COG3: variants seen among roughly 807,000 people sequenced by gnomAD.
The protein encoded by COG3 is conserved oligomeric Golgi complex subunit 3.
Under a neutral mutation model 114.1 loss-of-function variants are expected in COG3, and 32 were observed. The observed-to-expected ratio is 0.28, with a 90% confidence interval of 0.21 to 0.38. The LOEUF is 0.38. Among genes scored for constraint, COG3 ranks in the 10% least tolerant of loss-of-function variants. COG3 has a pLI of 1.00. For synonymous variants in COG3, 352 were observed against 365.7 expected (o/e 0.96, Z 0.43); for missense variants, 813 against 973.2 (o/e 0.84, Z 2.19).
chr13:45,513,206 A>G, intron 16 of COG3, among the ~76,000 whole-genome samples: 1 of 75,868 alleles, frequency 1.3e-5, no homozygotes, highest in East Asian at 3.5e-4. Context: ...TATAATATAT[A>G]CATATAAATT....
intron 20 of COG3, among the ~76,000 whole-genome samples, chr13:45,529,201 C>A (rs1872950558): frequency 6.6e-6 from 1 of 152,132 alleles, no homozygotes; most frequent in Non-Finnish European, 1.5e-5. Context: ...TAAATACTTC[C>A]TACAGATTAC....
chr13:45,529,278 C>T (rs1366021761), intron 20 of COG3, among the ~76,000 whole-genome samples: 1 of 152,010 alleles, frequency 6.6e-6, no homozygotes, highest in Non-Finnish European at 1.5e-5. Context: ...TTTGTTATAA[C>T]TTTTTGGGAT....
intron 1 of COG3, chr13:45,465,489 G>C: frequency 2.3e-6 from 1 of 444,222 alleles, no homozygotes; most frequent in Non-Finnish European, 4.0e-6. Context: ...GGGACGGTTG[G>C]CCCGGAGCCT....
intron 14 of COG3, among the ~76,000 whole-genome samples, chr13:45,506,708 G>A (rs1377556213): frequency 1.3e-5 from 2 of 152,184 alleles, no homozygotes; most frequent in African/African-American, 4.8e-5. Context: ...TCTGAGTCAG[G>A]TAGGAAGTGG....
chr13:45,508,068 T>TAA (rs10571583), intron 14 of COG3, among the ~76,000 whole-genome samples: 3,759 of 32,448 alleles, frequency 0.12, 508 homozygotes, highest in East Asian at 0.24. Context: ...AGGTCCAACC[T>TAA]AAAAAAAAAA....
At position 45,536,431 on chromosome 13, in the gene COG3, A is replaced by G. The variant is rs1873551255; in HGVS notation, c.*1700A>G. 1 of 152,156 alleles carries G rather than the reference A, an allele frequency of 6.6e-6. No individual in the cohort carries two copies. The highest frequency in any genetic ancestry group is 2.1e-4 in the South Asian group (1 of 4,826). 9.4% of individuals were successfully genotyped at this position (152,156 alleles called of 1,614,324 possible). ...TTCTGAAACACTCAAACACCTTACA[A>G]AGTGCTGAGTAGGTAATAGTGACCC... On this transcript the variant is annotated 3_prime_UTR_variant, in exon 23 of 23. Coordinates refer to ENST00000349995, the MANE Select transcript of COG3 (RefSeq NM_031431.4).
chr13:45,477,514 C>G (rs977244336), intron 2 of COG3, among the ~76,000 whole-genome samples: 3 of 152,124 alleles, frequency 2.0e-5, no homozygotes, highest in African/African-American at 7.2e-5. Context: ...TATCATCACC[C>G]CAAAAGTTTC....
chr13:45,514,678 C>T (rs958122094), intron 16 of COG3, among the ~76,000 whole-genome samples: 4 of 151,700 alleles, frequency 2.6e-5, no homozygotes, highest in African/African-American at 9.7e-5. Context: ...GATGGAGTCT[C>T]CCTCTGTCGC....
chr13:45,495,240 C>T (rs560535265), intron 12 of COG3, among the ~76,000 whole-genome samples: 3 of 143,390 alleles, frequency 2.1e-5, no homozygotes, highest in East Asian at 2.1e-4. Flanking sequence ...ATCCTATCTG[C>T]GCCTCCCAAA....
At position 45,490,876 on chromosome 13, in the gene COG3, C is replaced by G; in HGVS notation, c.925-39C>G. ...AATCAGAAAGTAATGGATAATATAA[C>G]AGAGATGGTTTTTTGATGCATTTTT... On this transcript the variant is annotated intron_variant, in intron 8 of 22. Transcript: ENST00000349995. The G allele has an allele frequency of 3.2e-6, 4 of 1,264,492 alleles. 1 individual carries two copies. The South Asian group carries it at 5.2e-5, about 16-fold the overall frequency. The allele number at this position is 1,264,492 out of a possible 1,614,324, so 78.3% of individuals were successfully genotyped here.
chr13:45,522,489 G>C (rs1872267724), intron 19 of COG3, among the ~76,000 whole-genome samples: 1 of 152,096 alleles, frequency 6.6e-6, no homozygotes, highest in Non-Finnish European at 1.5e-5. Context: ...CTGGAACCTG[G>C]AGTAAGAGAA....
rs534031246 is a variant in COG3 at position 45,499,760 on chromosome 13, G to A, written c.1488+3448G>A. 3.4e-3 allele frequency among the ~76,000 whole-genome samples: 519 copies of A among 152,196 alleles called. 5 individuals are homozygous for A. Among genetic ancestry groups the A allele is most frequent in the African/African-American group, 0.012 (506 of 41,528 alleles). On this transcript the variant is annotated intron_variant, in intron 13 of 22. Coordinates refer to ENST00000349995, the MANE Select transcript of COG3 (RefSeq NM_031431.4). ...GTCTTGGCCAGGCACGGTGGCTTGC[G>A]CCTGTAATACTAGCACTGTGGGAGG...
intron 14 of COG3, among the ~76,000 whole-genome samples, 199 bp downstream of exon 14, chr13:45,503,548 A>G (rs1419952783): frequency 1.3e-5 from 2 of 152,158 alleles, no homozygotes; most frequent in African/African-American, 4.8e-5. Context: ...CCCTTGGACC[A>G]TGGATGAGGG....
intron 8 of COG3, among the ~76,000 whole-genome samples, chr13:45,489,769 C>A (rs1886908610): frequency 6.6e-6 from 1 of 151,400 alleles, no homozygotes; most frequent in South Asian, 2.1e-4. Context: ...GTCACTTTCT[C>A]CCAGAGTAAT....
chr13:45,491,212 A>G (rs1469671371), intron 9 of COG3, among the ~76,000 whole-genome samples, 200 bp from the exon 10 acceptor site: 1 of 152,198 alleles, frequency 6.6e-6, no homozygotes, highest in Non-Finnish European at 1.5e-5. Context: ...TCTTTAAAAG[A>G]TAAAGCTTAT....
chr13:45,519,693 T>C (rs1259052747), intron 19 of COG3, among the ~76,000 whole-genome samples: 1 of 152,160 alleles, frequency 6.6e-6, no homozygotes, highest in Non-Finnish European at 1.5e-5. Context: ...ATCAACAGTA[T>C]AATGAAACAA....
At chr13:45,495,254 C>T (rs1156355964) in intron 12 of COG3, among the ~76,000 whole-genome samples, 1 of 150,730 alleles carries the variant, frequency 6.6e-6, no homozygotes, top group African/African-American at 2.4e-5. Flanking sequence ...TCCCAAAGTG[C>T]TGGGATTACA....
At chr13:45,492,503 A>C (rs1887075294) in intron 11 of COG3, among the ~76,000 whole-genome samples, 1 of 152,206 alleles carries the variant, frequency 6.6e-6, no homozygotes, top group African/African-American at 2.4e-5. Flanking sequence ...GAAGAAATCT[A>C]TACAGAATTC....
chr13:45,488,833 G>GAAATAATAATCTAC (rs1331266818), intron 8 of COG3, among the ~76,000 whole-genome samples: 16 of 151,792 alleles, frequency 1.1e-4, no homozygotes, highest in African/African-American at 3.4e-4. Flanking sequence ...GAAGTTTCTA[G>GAAATAATAATCTAC]AAATAATAAT....
Sources: gnomAD v4.1 joint callset for allele counts (sites outside exome capture counted in the v4.1 genomes callset) on GRCh38, gnomAD v4.1.1 for gene constraint, MANE v1.5 for transcripts, NCBI Gene and HGNC (gene_info 2026-07-23, HGNC 2026-07-21) for gene names.